CD300A: variants seen among roughly 807,000 people sequenced by gnomAD.
CD300A encodes the protein CMRF35-like molecule 8.
Under a neutral mutation model 33.6 loss-of-function variants are expected in CD300A, and 22 were observed. That is an observed-to-expected ratio of 0.66 (90% CI 0.47 to 0.94). The LOEUF (loss-of-function observed/expected upper bound fraction) is 0.94, where lower values mean the gene tolerates loss of function less well. Ranked by LOEUF, CD300A falls within the 40% of genes least tolerant of loss-of-function variation. The pLI, the probability that CD300A is intolerant of heterozygous loss-of-function variation, is 0.00. For missense variants in CD300A, 326 were observed against 360.5 expected, an observed-to-expected ratio of 0.90 and a Z score of 0.77; for synonymous variants, 136 against 148.1, an observed-to-expected ratio of 0.92 and a Z score of 0.59.
In CD300A at chr17:74,484,557, T is replaced by A. The variant is rs545732442; in HGVS notation, c.*431T>A. The A allele has an allele frequency of 6.5e-5, 10 of 154,786 alleles. No individual in the cohort carries two copies. The South Asian group carries it at 2.0e-3, about 30-fold the overall frequency. The allele number at this position is 154,786 out of a possible 1,614,324, so 9.6% of individuals were successfully genotyped here. ...GAACTGTCAAGAAGAGTGAAGAGAG[T>A]GCCAAAGCGGAGATCTGTTCACCTG... On this transcript the variant is annotated 3_prime_UTR_variant, in exon 7 of 7. Transcript: ENST00000360141.
At chr17:74,466,553 G>C (rs958381855), upstream of CD300A, 6 of 863,260 alleles carry the variant, frequency 7.0e-6, no homozygotes, top group Admixed American at 2.6e-5. Context: ...TTTTCTGACC[G>C]GCTCCAGGAA....
rs1047119024 is a variant in CD300A at position 74,480,666 on chromosome 17, T to C, written c.629-623T>C. ...CTTTTCAGTGGCATCCTTCCTCCCC[T>C]GGAAACATTTGTGTGAGATCCCGTG... is the stretch of plus-strand genomic sequence containing the variant. On this transcript the variant is annotated intron_variant, in intron 4 of 6. Coordinates refer to ENST00000360141, the MANE Select transcript of CD300A (RefSeq NM_007261.4). The surrounding 1 kb of genome is among the most constrained non-coding windows in gnomAD (Gnocchi z 4.2). Among the ~76,000 whole-genome samples the C allele has an allele frequency of 6.6e-6, 1 of 152,188 alleles. No homozygotes were observed. The highest frequency in any genetic ancestry group is 2.4e-5 in the African/African-American group (1 of 41,442).
chr17:74,474,929 C>A (rs1267568226), intron 3 of CD300A, among the ~76,000 whole-genome samples: 2 of 152,192 alleles, frequency 1.3e-5, no homozygotes, highest in African/African-American at 4.8e-5. Flanking sequence ...CAGCTGGTAA[C>A]ATCCTACGAG....
rs1264983902 is a variant in CD300A, at chr17:74,474,591, G to A, written c.439G>A (p.Ala147Thr). The A allele has an allele frequency of 1.9e-6, 3 of 1,614,058 alleles. No individual in the cohort carries two copies. Among genetic ancestry groups the A allele is most frequent in the Non-Finnish European group, 2.5e-6 (3 of 1,180,014 alleles). ...TAAKTSTITT[A>T]FPPVSSTTLF... ...GGCCAAGACCTCAACAATCACAACT[G>A]CATTTCCACCTGTATCATCCACTAC... The change falls in exon 3 of 7, where the codon GCA (alanine) becomes ACA (threonine). Residue 147 changes from alanine to threonine, a missense_variant. Transcript: ENST00000360141.
intron 1 of CD300A, 134 bp from the exon 2 acceptor site, chr17:74,473,402 C>T (rs1906234739): frequency 1.5e-5 from 12 of 792,494 alleles, no homozygotes; most frequent in Non-Finnish European, 2.5e-5. Context: ...TCAGTCCCCG[C>T]TCCTGGGTGG....
At chr17:74,477,818 G>T (rs1449440757) in intron 4 of CD300A, among the ~76,000 whole-genome samples, 1 of 152,120 alleles carries the variant, frequency 6.6e-6, no homozygotes. Flanking sequence ...CCCTGGCATG[G>T]TGTGCTGGGT....
chr17:74,483,740 A>G (rs1420841706), intron 6 of CD300A, among the ~76,000 whole-genome samples: 2 of 152,088 alleles, frequency 1.3e-5, no homozygotes, highest in African/African-American at 2.4e-5. Context: ...TTCCCTGTAG[A>G]ATGGACCAGG....
rs755773864 is a variant in CD300A, at chr17:74,473,533, C to T, written c.41-3C>T. 5 of 1,607,712 alleles carry T rather than the reference C, an allele frequency of 3.1e-6. No individual in the cohort carries two copies. In the South Asian group the frequency reaches 5.5e-5, roughly 18 times the overall value. On this transcript the variant is annotated splice_polypyrimidine_tract_variant and splice_region_variant and intron_variant, in intron 1 of 6. Coordinates refer to ENST00000360141, the MANE Select transcript of CD300A (RefSeq NM_007261.4). Reference sequence around the variant, plus strand: ...AGCTGGGACTCTGGCTTGTGTTTTCCAGGATGTTTTGCTCTGAGCAAATGC... The same window carrying T: ...AGCTGGGACTCTGGCTTGTGTTTTCTAGGATGTTTTGCTCTGAGCAAATGC...
chr17:74,482,419 G>C (rs1906921335), intron 6 of CD300A, among the ~76,000 whole-genome samples: 1 of 150,630 alleles, frequency 6.6e-6, no homozygotes, highest in South Asian at 2.1e-4. Flanking sequence ...GTCGTGTGGT[G>C]CCATGGAGGG....
At chr17:74,474,351 G>A (rs1906321804) in intron 2 of CD300A, among the ~76,000 whole-genome samples, 181 bp from the exon 3 acceptor site, 1 of 152,168 alleles carries the variant, frequency 6.6e-6, no homozygotes, top group Non-Finnish European at 1.5e-5. Flanking sequence ...TGGCACCCGT[G>A]TCCTGTTCAG....
At position 74,481,734 on chromosome 17, in the gene CD300A, G is replaced by T; in HGVS notation, c.675G>T (p.Thr225=). Residue 225 remains threonine (T), a synonymous_variant, in exon 6 of 7, where the codon ACG becomes ACT. Transcript: ENST00000360141. ...ACCTCCTGCCCACCCAGGCTGCCAC[G>T]CAGAGTGAGCTGCACTACGCAAATC... ...ELSQNPKQAA[T]QSELHYANLE... The T allele has an allele frequency of 1.2e-6, 2 of 1,609,144 alleles. No homozygotes were observed. The highest frequency in any genetic ancestry group is 2.2e-5 in the East Asian group (1 of 44,712).
At chr17:74,467,433 G>A (rs1244506828) in intron 1 of CD300A, among the ~76,000 whole-genome samples, 1 of 152,104 alleles carries the variant, frequency 6.6e-6, no homozygotes, top group Non-Finnish European at 1.5e-5. Context: ...CAGAAAAGGT[G>A]GTGGGGAGGG....
At chr17:74,483,695 G>A (rs1307922155) in intron 6 of CD300A, among the ~76,000 whole-genome samples, 5 of 152,168 alleles carry the variant, frequency 3.3e-5, no homozygotes, top group African/African-American at 1.2e-4. Flanking sequence ...GAGGTGTCTT[G>A]GGGGAGCCCA....
Position 74,474,602 on chromosome 17 carries a change from T to A in CD300A, c.450T>A (p.Pro150=), listed in dbSNP as rs1906341722. 1 of 1,614,038 alleles carries A rather than the reference T, an allele frequency of 6.2e-7. No individual in the cohort carries two copies. The highest frequency in any genetic ancestry group is 1.3e-5 in the African/African-American group (1 of 74,946). Residue 150 remains proline, a synonymous_variant, in exon 3 of 7, where the codon CCT becomes CCA. Coordinates refer to ENST00000360141, the MANE Select transcript of CD300A (RefSeq NM_007261.4). ...CAACAATCACAACTGCATTTCCACC[T>A]GTATCATCCACTACCCTGTTTGCAG... is the stretch of plus-strand genomic sequence containing the variant. ...KTSTITTAFP[P]VSSTTLFAVG...
intron 1 of CD300A, among the ~76,000 whole-genome samples, chr17:74,467,576 G>A (rs1223259654): frequency 1.3e-5 from 2 of 152,208 alleles, no homozygotes; most frequent in Non-Finnish European, 2.9e-5. Flanking sequence ...CACGTCCACC[G>A]CTCTCCTCAG....
intron 3 of CD300A, among the ~76,000 whole-genome samples, chr17:74,475,917 A>G (rs894652468): frequency 6.6e-6 from 1 of 151,796 alleles, no homozygotes; most frequent in African/African-American, 2.4e-5. Context: ...AAGGATAAAG[A>G]TTAGGACCAG....
At chr17:74,467,956 C>T (rs1905832577) in intron 1 of CD300A, among the ~76,000 whole-genome samples, 1 of 152,246 alleles carries the variant, frequency 6.6e-6, no homozygotes, top group South Asian at 2.1e-4. Context: ...ACCAGAGCTT[C>T]TCATTATTAG....
intron 6 of CD300A, among the ~76,000 whole-genome samples, chr17:74,482,045 G>A (rs1477358817): frequency 1.3e-5 from 2 of 152,036 alleles, no homozygotes; most frequent in African/African-American, 2.4e-5. Flanking sequence ...GTTTTTGGGG[G>A]TGGCCAGCAG....
intron 1 of CD300A, chr17:74,470,213 G>A (rs1906003702): frequency 3.0e-6 from 3 of 985,312 alleles, no homozygotes; most frequent in Admixed American, 1.2e-4. Flanking sequence ...ACAAGCCTGG[G>A]AGCACTGGGG....
Sources: allele counts gnomAD v4.1 joint callset (sites outside exome capture counted in the v4.1 genomes callset), GRCh38; gene constraint gnomAD v4.1.1; non-coding constraint Gnocchi (gnomAD v3.1); transcripts MANE v1.5; gene names NCBI Gene and HGNC (gene_info 2026-07-23, HGNC 2026-07-21).